BBS4: variants seen among roughly 807,000 people sequenced by gnomAD.
The protein encoded by BBS4 is BBSome complex member BBS4.
In BBS4, 58 loss-of-function variants were observed where a neutral mutation model predicts 71.4. The ratio of observed to expected loss-of-function variants is 0.81; its 90% CI spans 0.66 to 1.01. The LOEUF is 1.01. Ranked by LOEUF, BBS4 falls within the 50% of genes least tolerant of loss-of-function variation. BBS4 has a pLI of 0.00. For missense variants in BBS4, 660 were observed against 607.9 expected (o/e 1.09, Z -0.90); for synonymous variants, 228 against 216.8 (o/e 1.05, Z -0.46).
chr15:72,719,955 T>C lies in BBS4; in HGVS notation c.406-2839T>C, dbSNP rs1046579232. On this transcript the variant is annotated intron_variant, in intron 6 of 15. Coordinates refer to ENST00000268057, the MANE Select transcript of BBS4 (RefSeq NM_033028.5). Reference sequence around the variant, plus strand: ...TAGTAGAGATGAGGTTTCACCATGTTGGTCAGGCTGGTCTCGAGCTCCTGA... The same window carrying C: ...TAGTAGAGATGAGGTTTCACCATGTCGGTCAGGCTGGTCTCGAGCTCCTGA... Among the ~76,000 whole-genome samples, 3 of 151,912 alleles carry C rather than the reference T, an allele frequency of 2.0e-5. No individual in the cohort carries two copies. In the East Asian group the frequency reaches 5.8e-4, roughly 29 times the overall value.
chr15:72,689,176 A>G (rs756373508), intron 1 of BBS4, among the ~76,000 whole-genome samples: 50 of 152,340 alleles, frequency 3.3e-4, no homozygotes, highest in Middle Eastern at 3.4e-3. Context: ...GTAGATAAGG[A>G]TATATGGATA....
chr15:72,722,841 C>G lies in BBS4; in HGVS notation c.453C>G (p.Phe151Leu). The G allele has an allele frequency of 6.2e-7, 1 of 1,613,206 alleles. No individual in the cohort carries two copies. Among genetic ancestry groups the G allele is most frequent in the South Asian group, 1.1e-5 (1 of 91,052 alleles). The change falls in exon 7 of 16, where the codon TTC (phenylalanine) becomes TTG (leucine). Residue 151 changes from phenylalanine (F) to leucine (L), a missense_variant. Phe to Leu is a conservative substitution (Grantham distance 22). Coordinates refer to ENST00000268057, the MANE Select transcript of BBS4 (RefSeq NM_033028.5). ...LGVCYIYLKQ[F>L]NKAQDQLHNA... is the part of the protein sequence containing the mutation. ...TTTGCTACATATACCTGAAGCAGTT[C>G]AACAAGGTAATTTATAGAAGTGGTG...
At chr15:72,704,341 C>A in intron 2 of BBS4, 2 of 806,862 alleles carry the variant, frequency 2.5e-6, no homozygotes, top group Non-Finnish European at 3.6e-6. Context: ...CATTTACATG[C>A]TTATGTTTTG....
rs375714932 is a variant in BBS4 at position 72,731,618 on chromosome 15, T to C, written c.928T>C (p.Leu310=). The part of the protein sequence containing the change: ...APFDWKILYN[L]GLVHLTMQQY... The stretch of plus-strand genomic sequence containing the variant: ...CTTTGATTGGAAGATTCTGTATAAT[T>C]TGGGCCTTGTCCATTTGACCATGCA... The change falls in exon 12 of 16, where the codon TTG becomes CTG. Residue 310 remains leucine (L), a synonymous_variant. Transcript: ENST00000268057. 9.4e-5 allele frequency: 151 copies of C among 1,614,084 alleles called. No homozygotes were observed. Among genetic ancestry groups the C allele is most frequent in the Non-Finnish European group, 1.2e-4 (145 of 1,180,052 alleles).
At chr15:72,717,152 A>C in intron 6 of BBS4, 1 of 369,758 alleles carries the variant, frequency 2.7e-6, no homozygotes, top group South Asian at 2.9e-5. Flanking sequence ...AGTATCAGCA[A>C]TAGGCATCTA....
chr15:72,715,763 G>A (rs2065457702), intron 5 of BBS4, among the ~76,000 whole-genome samples: 1 of 152,108 alleles, frequency 6.6e-6, no homozygotes, highest in Non-Finnish European at 1.5e-5. Flanking sequence ...CACACAGTAA[G>A]TTTTTAGTAA....
chr15:72,714,707 A>C (rs1346691303), intron 4 of BBS4, among the ~76,000 whole-genome samples: 1 of 152,364 alleles, frequency 6.6e-6, no homozygotes, highest in East Asian at 1.9e-4. Flanking sequence ...TTAGGACATC[A>C]TGGCAAAAAA....
chr15:72,712,136 G>A, intron 3 of BBS4, 108 bp from the exon 4 acceptor site: 1 of 963,950 alleles, frequency 1.0e-6, no homozygotes, highest in Non-Finnish European at 1.6e-6. Flanking sequence ...CAAAGTTTTG[G>A]GATTACAAGC....
At chr15:72,727,434 C>G (rs1044716056) in intron 8 of BBS4, among the ~76,000 whole-genome samples, 2 of 151,928 alleles carry the variant, frequency 1.3e-5, no homozygotes, top group Admixed American at 6.6e-5. Flanking sequence ...TATCTTCCTT[C>G]TTTTGTTTAG....
At chr15:72,701,319 T>TTA (rs2065164842) in intron 2 of BBS4, among the ~76,000 whole-genome samples, 1 of 152,228 alleles carries the variant, frequency 6.6e-6, no homozygotes, top group African/African-American at 2.4e-5. Flanking sequence ...TTCTTCCTTG[T>TTA]TATATATATT....
intron 12 of BBS4, among the ~76,000 whole-genome samples, chr15:72,733,636 A>G (rs182340488): frequency 1.8e-3 from 271 of 152,294 alleles, no homozygotes; most frequent in African/African-American, 6.2e-3. Context: ...GTCGTATTCC[A>G]TGGTGTACAT....
rs35502034 is a variant in BBS4 at position 72,736,238 on chromosome 15, C to CTTT, written c.1248+291_1248+293dup. 1.2e-3 allele frequency among the ~76,000 whole-genome samples: 138 copies of CTTT among 113,450 alleles called. 2 individuals carry two copies. Among genetic ancestry groups the CTTT allele is most frequent in the East Asian group, 7.2e-3 (24 of 3,356 alleles). The allele number at this position is 113,450 out of a possible 152,430, so 74.4% of individuals were successfully genotyped here. On this transcript the variant is annotated intron_variant, in intron 14 of 15. Coordinates refer to ENST00000268057, the MANE Select transcript of BBS4 (RefSeq NM_033028.5). ...CTGTCTGTAGCTTCCTTCTATTTCA[C>CTTT]TTTTTTTTTTTTTTTTTTTTTGAGA...
In BBS4 at chr15:72,724,582, A is replaced by G. The variant is rs145265395; in HGVS notation, c.514A>G (p.Ile172Val). Residue 172 changes from isoleucine to valine, a missense_variant, in exon 8 of 16, where the codon ATA becomes GTA. Transcript: ENST00000268057. ...LNLNRHDLTY[I>V]MLGKIHLLEG... is the part of the protein sequence containing the mutation. ...TCTTAATAGGCACGATCTGACTTAT[A>G]TAATGCTGGGGAAGATCCACTTGCT... 8.9e-5 allele frequency: 143 copies of G among 1,614,168 alleles called. No individual in the cohort carries two copies. In the African/African-American group the frequency reaches 1.6e-3, roughly 18 times the overall value.
chr15:72,736,835 A>C lies in BBS4; in HGVS notation c.1322A>C (p.Lys441Thr), dbSNP rs765715632. The change falls in exon 15 of 16, where the codon AAA (lysine) becomes ACA (threonine). Residue 441 changes from lysine to threonine, a missense_variant. Transcript: ENST00000268057. The stretch of plus-strand genomic sequence containing the variant: ...GCACTGGTCTGGACCAAACCAGTTA[A>C]AGATCCCAAATCAAAGCACCAGACC... ...GEALVWTKPV[K>T]DPKSKHQTTS... 57 of 1,614,080 alleles carry C rather than the reference A, an allele frequency of 3.5e-5. No homozygotes were observed. Among genetic ancestry groups the C allele is most frequent in the Non-Finnish European group, 4.7e-5 (55 of 1,180,038 alleles).
chr15:72,698,099 C>G (rs1474866362), intron 2 of BBS4: 1 of 454,158 alleles, frequency 2.2e-6, no homozygotes. Context: ...TCATTGAAAA[C>G]TTTACCCATT....
intron 12 of BBS4, among the ~76,000 whole-genome samples, chr15:72,734,685 G>A (rs1347061796): frequency 2.0e-5 from 3 of 152,038 alleles, no homozygotes; most frequent in African/African-American, 7.2e-5. Flanking sequence ...TAAAAAGTGG[G>A]GGGAGTGTTT....
rs148780906 is a variant in BBS4 at position 72,693,845 on chromosome 15, G to A, written c.25-1332G>A. Among the ~76,000 whole-genome samples, 1,206 of 151,822 alleles carry A rather than the reference G, an allele frequency of 7.9e-3. 12 individuals carry two copies. Among genetic ancestry groups the A allele is most frequent in the African/African-American group, 0.028 (1,152 of 41,450 alleles). On this transcript the variant is annotated intron_variant, in intron 1 of 15. Coordinates refer to ENST00000268057, the MANE Select transcript of BBS4 (RefSeq NM_033028.5). ...GTGATATTGTCTTCCATTTTTAATT[G>A]TTGAAGAGCCAGCTGTCAGTCTTTT...
chr15:72,710,918 G>A (rs1207234168), intron 3 of BBS4, among the ~76,000 whole-genome samples: 1 of 150,370 alleles, frequency 6.7e-6, no homozygotes, highest in East Asian at 2.0e-4. Flanking sequence ...AGCCTCCCAA[G>A]TCGCTGGGAT....
chr15:72,727,881 A>G, intron 8 of BBS4, 59 bp from the exon 9 acceptor site: 1 of 1,271,902 alleles, frequency 7.9e-7, no homozygotes, highest in Non-Finnish European at 1.2e-6. Flanking sequence ...ATTACTGTGC[A>G]TGTGTCTTCG....
Sources: gnomAD v4.1 joint callset for allele counts (sites outside exome capture counted in the v4.1 genomes callset) on GRCh38, gnomAD v4.1.1 for gene constraint, MANE v1.5 for transcripts, NCBI Gene and HGNC (gene_info 2026-07-23, HGNC 2026-07-21) for gene names.